TERB2: variants seen among roughly 807,000 people sequenced by gnomAD.
TERB2 encodes the protein telomere repeat binding bouquet formation protein 2.
TERB2 carries 26 observed loss-of-function variants against 29.8 expected under a neutral mutation model. The observed-to-expected ratio is 0.87, with a 90% CI of 0.64 to 1.21. The LOEUF (loss-of-function observed/expected upper bound fraction) is 1.21. TERB2 is among the 50% of genes most tolerant of loss of function. The probability of loss-of-function intolerance (pLI) is 0.00; values close to 1 mark genes in which losing one functional copy is unlikely to be tolerated. For missense variants in TERB2, 240 were observed against 268.6 expected, an observed-to-expected ratio of 0.89 and a Z score of 0.74; for synonymous variants, 80 against 90.8, an observed-to-expected ratio of 0.88 and a Z score of 0.68.
At chr15:44,957,082 C>T (rs1304712537) in intron 2 of TERB2, 105 bp downstream of exon 2, 11 of 1,204,020 alleles carry the variant, frequency 9.1e-6, no homozygotes, top group African/African-American at 1.5e-5. Flanking sequence ...GGCGCGGTGG[C>T]GGACACCTAT....
chr15:44,973,719 A>G (rs547773617), intron 5 of TERB2, 148 bp from the exon 6 acceptor site: 17 of 537,050 alleles, frequency 3.2e-5, no homozygotes, highest in African/African-American at 2.5e-4. Context: ...AACAAATCCA[A>G]ATATATACAT....
At chr15:44,967,122 A>T (rs2141242337) in intron 5 of TERB2, among the ~76,000 whole-genome samples, 1 of 152,358 alleles carries the variant, frequency 6.6e-6, no homozygotes, top group South Asian at 2.1e-4. Flanking sequence ...AAATTAATTT[A>T]AAAAGACAAA....
intron 6 of TERB2, among the ~76,000 whole-genome samples, chr15:44,978,017 G>A (rs548139985): frequency 3.9e-5 from 6 of 152,138 alleles, no homozygotes; most frequent in Non-Finnish European, 5.9e-5. Flanking sequence ...CAGTAACATC[G>A]ATTTTTCATT....
chr15:44,969,112 T>A (rs1271656314), intron 5 of TERB2, among the ~76,000 whole-genome samples: 1 of 151,990 alleles, frequency 6.6e-6, no homozygotes, highest in Non-Finnish European at 1.5e-5. Flanking sequence ...AAAAAATTAA[T>A]TAGACAGGGT....
chr15:44,965,911 G>A (rs1232713864), intron 4 of TERB2, among the ~76,000 whole-genome samples: 1 of 151,756 alleles, frequency 6.6e-6, no homozygotes, highest in Non-Finnish European at 1.5e-5. Flanking sequence ...CATAACCACA[G>A]CTGGTATATT....
At chr15:44,957,923 G>GTGCC (rs1891743863) in intron 2 of TERB2, among the ~76,000 whole-genome samples, 4 of 149,552 alleles carry the variant, frequency 2.7e-5, no homozygotes, top group Admixed American at 2.0e-4. Flanking sequence ...TGCCATTATT[G>GTGCC]TTCATGCATG....
chr15:44,972,118 T>C (rs1211815807), intron 5 of TERB2, among the ~76,000 whole-genome samples: 1 of 150,962 alleles, frequency 6.6e-6, no homozygotes, highest in Non-Finnish European at 1.5e-5. Context: ...GCCTCCTGAG[T>C]AGCTGGGATT....
At chr15:44,967,092 CTG>C (rs1003589179) in intron 5 of TERB2, among the ~76,000 whole-genome samples, 11 of 152,208 alleles carry the variant, frequency 7.2e-5, no homozygotes, top group African/African-American at 2.7e-4. Flanking sequence ...GAACAATACT[CTG>C]TCTCAAAGAA....
At chr15:44,964,932 C>A (rs1397465774) in intron 4 of TERB2, among the ~76,000 whole-genome samples, 1 of 151,684 alleles carries the variant, frequency 6.6e-6, no homozygotes, top group East Asian at 1.9e-4. Flanking sequence ...GAGGCTGGGG[C>A]GGGCCGATTG....
chr15:44,965,747 A>G (rs555113736), intron 4 of TERB2, among the ~76,000 whole-genome samples: 1 of 151,432 alleles, frequency 6.6e-6, no homozygotes, highest in East Asian at 1.9e-4. Context: ...TGTAGCTCAC[A>G]GGAATCCCTA....
rs1413235413 is a variant in TERB2, at chr15:44,967,303, G to A, written c.434+1060G>A. On this transcript the variant is annotated intron_variant, in intron 5 of 6. Coordinates refer to ENST00000340827, the MANE Select transcript of TERB2 (RefSeq NM_152448.3). Reference sequence around the variant, plus strand: ...GTTTTATCCCTCCAAACCTGTGGCCGGAGTCAATCTAAAAGTGGAGGCAGG... The same window carrying A: ...GTTTTATCCCTCCAAACCTGTGGCCAGAGTCAATCTAAAAGTGGAGGCAGG... 3.3e-5 allele frequency among the ~76,000 whole-genome samples: 5 copies of A among 152,166 alleles called. No homozygotes were observed. In the East Asian group the frequency reaches 5.8e-4, roughly 18 times the overall value.
intron 5 of TERB2, among the ~76,000 whole-genome samples, chr15:44,969,163 T>G (rs2141243146): frequency 6.6e-6 from 1 of 152,220 alleles, no homozygotes; most frequent in Middle Eastern, 3.4e-3. Context: ...GGCACAATCT[T>G]GGCTCACTAT....
At chr15:44,972,194 T>C (rs1185266598) in intron 5 of TERB2, among the ~76,000 whole-genome samples, 1 of 151,942 alleles carries the variant, frequency 6.6e-6, no homozygotes, top group African/African-American at 2.4e-5. Flanking sequence ...TTTCACCATG[T>C]TGGCCAGGCC....
At chr15:44,975,356 A>T (rs1329118301) in intron 6 of TERB2, among the ~76,000 whole-genome samples, 2 of 152,024 alleles carry the variant, frequency 1.3e-5, no homozygotes, top group Non-Finnish European at 2.9e-5. Context: ...AGGAAGGAAT[A>T]ACTTCTTGTT....
intron 4 of TERB2, among the ~76,000 whole-genome samples, chr15:44,964,345 GT>G (rs769805173): frequency 2.0e-5 from 3 of 150,734 alleles, no homozygotes; most frequent in Non-Finnish European, 4.4e-5. Flanking sequence ...AGTTCTTTCA[GT>G]TTTTTTTTCT....
intron 5 of TERB2, among the ~76,000 whole-genome samples, chr15:44,969,692 G>A (rs1366523161): frequency 6.6e-6 from 1 of 151,570 alleles, no homozygotes; most frequent in Non-Finnish European, 1.5e-5. Context: ...TACTTGGGAG[G>A]CTGGGGCAGG....
chr15:44,961,277 G>T (rs1891800190), intron 3 of TERB2, among the ~76,000 whole-genome samples: 1 of 149,012 alleles, frequency 6.7e-6, no homozygotes, highest in African/African-American at 2.5e-5. Context: ...ATTCTAGCAG[G>T]AAACGTCTAC....
At chr15:44,961,250 A>AATATAG (rs899026681) in intron 3 of TERB2, among the ~76,000 whole-genome samples, 1 of 149,136 alleles carries the variant, frequency 6.7e-6, no homozygotes, top group Non-Finnish European at 1.5e-5. Flanking sequence ...TAGAGATACA[A>AATATAG]ATATAGATAT....
chr15:44,957,103 A>AG, intron 2 of TERB2, 126 bp downstream of exon 2: 3 of 984,140 alleles, frequency 3.0e-6, no homozygotes, highest in South Asian at 1.5e-5. Context: ...AATCCCAGCT[A>AG]CTGGGAAGAC....
Sources: allele counts gnomAD v4.1 joint callset (sites outside exome capture counted in the v4.1 genomes callset), GRCh38; gene constraint gnomAD v4.1.1; transcripts MANE v1.5; gene names NCBI Gene and HGNC (gene_info 2026-07-23, HGNC 2026-07-21).